The following EHBP1 variants were observed in gnomAD, a reference collection of about 807,000 sequenced individuals.
EHBP1 encodes EH domain binding protein 1.
In EHBP1, 55 loss-of-function variants were observed where a neutral mutation model predicts 144.0. The observed-to-expected ratio is 0.38, with a 90% CI of 0.31 to 0.48. EHBP1 has a LOEUF of 0.48. Ranked by LOEUF, EHBP1 falls within the 20% of genes least tolerant of loss-of-function variation. The pLI is 0.98. For missense variants in EHBP1, 1,200 were observed against 1,364.2 expected, an observed-to-expected ratio of 0.88 and a Z score of 1.90; for synonymous variants, 469 against 472.7, an observed-to-expected ratio of 0.99 and a Z score of 0.10.
At chr2:62,761,423 G>A (rs1360343109) in intron 3 of EHBP1, among the ~76,000 whole-genome samples, 2 of 152,100 alleles carry the variant, frequency 1.3e-5, no homozygotes, top group Admixed American at 6.5e-5. Context: ...GTTGGATTTG[G>A]TGTACACTGT....
In EHBP1 at chr2:62,784,547, A is replaced by G. The variant is rs560594191; in HGVS notation, c.312+13155A>G. Among the ~76,000 whole-genome samples, 4 of 152,294 alleles carry G rather than the reference A, an allele frequency of 2.6e-5. No individual in the cohort carries two copies. The East Asian group carries it at 7.7e-4, about 29-fold the overall frequency. The stretch of plus-strand genomic sequence containing the variant: ...AGGCCCCTTGAAGACGTCCAGGAGT[A>G]CTCATATCTATCAGGGGCATGGGAA... On this transcript the variant is annotated intron_variant, in intron 5 of 22. Transcript: ENST00000431489.
intron 2 of EHBP1, among the ~76,000 whole-genome samples, chr2:62,710,924 C>G (rs554930746): frequency 7.9e-4 from 120 of 152,138 alleles, no homozygotes; most frequent in South Asian, 1.7e-3. Flanking sequence ...CTCTGTTGAC[C>G]ATGGAGTGAT....
At chr2:62,837,403 C>G (rs2047365679) in intron 7 of EHBP1, among the ~76,000 whole-genome samples, 2 of 147,894 alleles carry the variant, frequency 1.4e-5, no homozygotes, top group South Asian at 4.4e-4. Flanking sequence ...ATGTAAAGAC[C>G]ATCGAGACTA....
chr2:62,855,046 A>T (rs1176287075), intron 7 of EHBP1, among the ~76,000 whole-genome samples: 2 of 152,138 alleles, frequency 1.3e-5, no homozygotes, highest in Non-Finnish European at 2.9e-5. Context: ...CACTGCAGGG[A>T]GCAGGCAGGA....
At chr2:62,911,884 C>T (rs1487368403) in intron 10 of EHBP1, among the ~76,000 whole-genome samples, 1 of 152,168 alleles carries the variant, frequency 6.6e-6, no homozygotes, top group Non-Finnish European at 1.5e-5. Context: ...AGAGAAGTAA[C>T]ATTCTCCCAA....
chr2:62,903,274 C>T (rs565146556), intron 10 of EHBP1, among the ~76,000 whole-genome samples: 3 of 152,084 alleles, frequency 2.0e-5, no homozygotes, highest in African/African-American at 7.2e-5. Context: ...TTAAACTGCT[C>T]CAACTTGGTG....
At chr2:62,678,774 C>A (rs1211815301) in intron 1 of EHBP1, among the ~76,000 whole-genome samples, 7 of 152,042 alleles carry the variant, frequency 4.6e-5, no homozygotes, top group Non-Finnish European at 1.0e-4. Flanking sequence ...TATCTATTGA[C>A]CTTTGTCCTA....
chr2:62,972,702 C>T (rs2058551995), intron 14 of EHBP1, among the ~76,000 whole-genome samples: 1 of 152,156 alleles, frequency 6.6e-6, no homozygotes, highest in Non-Finnish European at 1.5e-5. Flanking sequence ...AAAATTGTCT[C>T]TGTGGTGTTA....
At chr2:62,964,311 C>T (rs754439921) in intron 14 of EHBP1, among the ~76,000 whole-genome samples, 48 of 152,198 alleles carry the variant, frequency 3.2e-4, no homozygotes, top group Non-Finnish European at 5.7e-4. Context: ...ATCAGAAACA[C>T]TCCTTTTATG....
chr2:63,014,406 G>A (rs568898564), intron 19 of EHBP1, among the ~76,000 whole-genome samples: 1 of 152,236 alleles, frequency 6.6e-6, no homozygotes, highest in Middle Eastern at 3.4e-3. Flanking sequence ...TAGAGTCTAT[G>A]AGTTAGAAAA....
At chr2:62,785,860 C>T (rs2042765022) in intron 5 of EHBP1, among the ~76,000 whole-genome samples, 1 of 152,184 alleles carries the variant, frequency 6.6e-6, no homozygotes, top group South Asian at 2.1e-4. Context: ...AACTCCTTGC[C>T]CAAATGAAAC....
chr2:62,754,448 C>T (rs2040068991), intron 3 of EHBP1, among the ~76,000 whole-genome samples: 1 of 152,208 alleles, frequency 6.6e-6, no homozygotes, highest in East Asian at 1.9e-4. Context: ...TAGGGACCCA[C>T]TTGAGGAGGC....
At chr2:62,920,181 A>G (rs1212531985) in intron 10 of EHBP1, among the ~76,000 whole-genome samples, 1 of 152,242 alleles carries the variant, frequency 6.6e-6, no homozygotes, top group Admixed American at 6.5e-5. Flanking sequence ...AAAACTCATT[A>G]TAATCATTCA....
chr2:62,889,879 G>C (rs1437570463), intron 10 of EHBP1, among the ~76,000 whole-genome samples: 1 of 151,620 alleles, frequency 6.6e-6, no homozygotes, highest in Non-Finnish European at 1.5e-5. Context: ...AAGTTGGGTA[G>C]TATGATGCCT....
chr2:62,844,520 G>GAAATTATGA (rs2048157027), intron 7 of EHBP1, among the ~76,000 whole-genome samples: 1 of 152,082 alleles, frequency 6.6e-6, no homozygotes, highest in African/African-American at 2.4e-5. Context: ...GCCAGTAGTA[G>GAAATTATGA]AAATTATGAA....
intron 12 of EHBP1, among the ~76,000 whole-genome samples, chr2:62,944,199 G>A (rs1468757987): frequency 6.6e-6 from 1 of 152,134 alleles, no homozygotes; most frequent in Non-Finnish European, 1.5e-5. Context: ...TGCTGGTTGG[G>A]GATGAGAACG....
At chr2:62,895,061 A>G (rs1232936718) in intron 10 of EHBP1, among the ~76,000 whole-genome samples, 1 of 152,194 alleles carries the variant, frequency 6.6e-6, no homozygotes, top group African/African-American at 2.4e-5. Context: ...AGAAGGCTAC[A>G]TTTGGTATCA....
intron 2 of EHBP1, among the ~76,000 whole-genome samples, chr2:62,729,399 A>G (rs1402620784): frequency 8.6e-6 from 1 of 116,084 alleles, no homozygotes; most frequent in Non-Finnish European, 1.7e-5. Flanking sequence ...TTTATTATAT[A>G]TAATAAATAT....
chr2:62,690,336 G>A (rs899036889), intron 1 of EHBP1, among the ~76,000 whole-genome samples: 1 of 152,178 alleles, frequency 6.6e-6, no homozygotes, highest in African/African-American at 2.4e-5. Flanking sequence ...GGCCGAGGGA[G>A]GTGGATCATG....
Sources: allele counts gnomAD v4.1 joint callset (sites outside exome capture counted in the v4.1 genomes callset), GRCh38; gene constraint gnomAD v4.1.1; transcripts MANE v1.5; gene names NCBI Gene and HGNC (gene_info 2026-07-23, HGNC 2026-07-21).